Variants in TEAD1 observed in about 807,000 individuals in gnomAD.
The protein encoded by TEAD1 is TEA domain transcription factor 1.
In TEAD1, 9 loss-of-function variants were observed where a neutral mutation model predicts 54.9. The ratio of observed to expected loss-of-function variants is 0.16; its 90% CI spans 0.10 to 0.29. The LOEUF (loss-of-function observed/expected upper bound fraction) is 0.29, where lower values mean the gene tolerates loss of function less well. TEAD1 is among the 10% of genes least tolerant of loss of function. TEAD1 has a pLI of 1.00. For synonymous variants in TEAD1, 200 were observed against 187.8 expected, an observed-to-expected ratio of 1.07 and a Z score of -0.53; for missense variants, 387 against 535.9, an observed-to-expected ratio of 0.72 and a Z score of 2.74.
chr11:12,866,745 C>G (rs1947626161), intron 5 of TEAD1, among the ~76,000 whole-genome samples: 1 of 152,168 alleles, frequency 6.6e-6, no homozygotes, highest in African/African-American at 2.4e-5. Flanking sequence ...TCCGTTCTTT[C>G]CTACCATATT....
chr11:12,708,238 G>C (rs1458937471), intron 2 of TEAD1, among the ~76,000 whole-genome samples: 1 of 151,756 alleles, frequency 6.6e-6, no homozygotes, highest in East Asian at 2.0e-4. Context: ...CCAGGTGCTA[G>C]GGCTAAGGAC....
intron 3 of TEAD1, among the ~76,000 whole-genome samples, chr11:12,858,411 C>G (rs976182790): frequency 7.2e-5 from 11 of 152,102 alleles, no homozygotes; most frequent in African/African-American, 2.7e-4. Context: ...GCCTAGGTAA[C>G]AGATCAGCCT....
At chr11:12,925,178 C>G in intron 11 of TEAD1, 126 bp downstream of exon 11, 1 of 1,079,572 alleles carries the variant, frequency 9.3e-7, no homozygotes, top group Non-Finnish European at 1.4e-6. Context: ...TTAGTCCATT[C>G]TCACACTGCT....
chr11:12,718,771 G>C (rs1224764984), intron 2 of TEAD1, among the ~76,000 whole-genome samples: 1 of 152,032 alleles, frequency 6.6e-6, no homozygotes, highest in African/African-American at 2.4e-5. Context: ...TATTCAGATG[G>C]CTTTGTTAAA....
intron 9 of TEAD1, among the ~76,000 whole-genome samples, chr11:12,887,784 A>G (rs1470903427): frequency 3.9e-5 from 6 of 152,220 alleles, no homozygotes; most frequent in Non-Finnish European, 8.8e-5. Context: ...ATTTTAACAA[A>G]TTTGGGCATA....
chr11:12,695,437 C>T (rs1198932987), intron 2 of TEAD1, among the ~76,000 whole-genome samples: 3 of 152,184 alleles, frequency 2.0e-5, no homozygotes, highest in Non-Finnish European at 4.4e-5. Flanking sequence ...ATTTGTCCTT[C>T]ATTGATCTGA....
chr11:12,735,696 C>G (rs747076693), intron 2 of TEAD1, among the ~76,000 whole-genome samples: 2 of 152,070 alleles, frequency 1.3e-5, no homozygotes, highest in Admixed American at 6.6e-5. Context: ...GTCCCACCAC[C>G]ACTCTGCTCC....
chr11:12,842,489 C>G (rs964361742), intron 3 of TEAD1, among the ~76,000 whole-genome samples: 36 of 152,126 alleles, frequency 2.4e-4, no homozygotes, highest in African/African-American at 8.0e-4. Context: ...TGGTGAACTT[C>G]CGGAGATACT....
At chr11:12,830,742 T>TCA (rs1195830987) in intron 3 of TEAD1, among the ~76,000 whole-genome samples, 8 of 151,220 alleles carry the variant, frequency 5.3e-5, no homozygotes, top group Non-Finnish European at 7.4e-5. Flanking sequence ...ATATTTGCAA[T>TCA]CACACACACA....
At chr11:12,813,973 A>C (rs150345745) in intron 3 of TEAD1, among the ~76,000 whole-genome samples, 52 of 152,268 alleles carry the variant, frequency 3.4e-4, no homozygotes, top group Non-Finnish European at 5.7e-4. Flanking sequence ...GAGGCCCTGA[A>C]AAGAAGTGCT....
chr11:12,680,141 C>A (rs1191712299), intron 2 of TEAD1, among the ~76,000 whole-genome samples: 1 of 152,152 alleles, frequency 6.6e-6, no homozygotes, highest in Non-Finnish European at 1.5e-5. Context: ...TTTATCTGTT[C>A]CTTCTTTACT....
chr11:12,762,546 TAA>T (rs1185588253), intron 2 of TEAD1, among the ~76,000 whole-genome samples: 4 of 152,172 alleles, frequency 2.6e-5, no homozygotes, highest in African/African-American at 9.7e-5. Flanking sequence ...TAAGAGGTAG[TAA>T]ATATTTTGCT....
At position 12,723,387 on chromosome 11, in the gene TEAD1, G is replaced by C. The variant is rs868586383; in HGVS notation, c.-54-40792G>C. On this transcript the variant is annotated intron_variant, in intron 2 of 12. Coordinates refer to ENST00000527636, the MANE Select transcript of TEAD1 (RefSeq NM_021961.6). ...CTGTGGTTGAGGTCAGATTTTCTGT[G>C]TAGAGCTTTTCAGACTCTTGAATTT... 4.7e-4 allele frequency among the ~76,000 whole-genome samples: 71 copies of C among 152,264 alleles called. 1 individual carries two copies. The highest frequency in any genetic ancestry group is 1.6e-3 in the Admixed American group (25 of 15,296).
At chr11:12,783,192 CT>C (rs3046326) in intron 3 of TEAD1, among the ~76,000 whole-genome samples, 13,385 of 99,526 alleles carry the variant, frequency 0.13, 960 homozygotes, top group Non-Finnish European at 0.2. Context: ...GTTTTTGTGC[CT>C]TTTTTTTTTT....
intron 10 of TEAD1, among the ~76,000 whole-genome samples, chr11:12,908,060 A>AT (rs968990048): frequency 6.6e-5 from 10 of 151,960 alleles, no homozygotes; most frequent in Admixed American, 2.0e-4. Context: ...TTATGTTCTG[A>AT]TTTTTTTTAA....
intron 2 of TEAD1, 25 bp downstream of exon 2, chr11:12,675,586 T>C (rs1943066575): frequency 6.6e-6 from 1 of 152,238 alleles, no homozygotes; most frequent in Non-Finnish European, 1.5e-5. Context: ...GGGATTTGTT[T>C]GTTGATTGGA....
chr11:12,902,443 G>T (rs1305447617), intron 10 of TEAD1, among the ~76,000 whole-genome samples: 1 of 152,256 alleles, frequency 6.6e-6, no homozygotes, highest in African/African-American at 2.4e-5. Flanking sequence ...AGAGGAAACA[G>T]AATTGCTTTG....
At chr11:12,870,460 G>A (rs1947720587) in intron 5 of TEAD1, among the ~76,000 whole-genome samples, 1 of 151,780 alleles carries the variant, frequency 6.6e-6, no homozygotes, top group South Asian at 2.1e-4. Flanking sequence ...TCAAGAGCTC[G>A]GTAAGATGGA....
chr11:12,739,630 G>A (rs183791708), intron 2 of TEAD1, among the ~76,000 whole-genome samples: 97 of 152,244 alleles, frequency 6.4e-4, no homozygotes, highest in Admixed American at 4.8e-3. Flanking sequence ...TTCAAGGCTG[G>A]ATAATATTCA....
Sources: allele counts gnomAD v4.1 joint callset (sites outside exome capture counted in the v4.1 genomes callset), GRCh38; gene constraint gnomAD v4.1.1; transcripts MANE v1.5; gene names NCBI Gene and HGNC (gene_info 2026-07-23, HGNC 2026-07-21).